Variants in ROBO1 observed in about 807,000 individuals in gnomAD.
ROBO1 encodes the protein roundabout homolog 1.
A neutral mutation model predicts 195.9 loss-of-function variants in ROBO1; 149 were observed. The ratio of observed to expected loss-of-function variants is 0.76; its 90% CI spans 0.67 to 0.87. The LOEUF (loss-of-function observed/expected upper bound fraction) is 0.87, where lower values mean the gene tolerates loss of function less well. ROBO1 is among the 40% of genes least tolerant of loss of function. The probability of loss-of-function intolerance (pLI) is 0.00; values close to 1 mark genes in which losing one functional copy is unlikely to be tolerated. For synonymous variants in ROBO1, 816 were observed against 733.2 expected, an observed-to-expected ratio of 1.11 and a Z score of -1.82; for missense variants, 1,933 against 2,068.3, an observed-to-expected ratio of 0.93 and a Z score of 1.27.
chr3:78,759,458 G>T (rs2083034500), intron 4 of ROBO1: 1 of 150,894 alleles, frequency 6.6e-6, no homozygotes, highest in Admixed American at 6.6e-5. Flanking sequence ...CTATTTTACA[G>T]CATAAGAATT....
chr3:79,467,169 A>G (rs6772979), intron 2 of ROBO1, among the ~76,000 whole-genome samples: 5,216 of 152,168 alleles, frequency 0.034, 202 homozygotes, highest in African/African-American at 0.098. Context: ...CAAGAAGCAT[A>G]CAAGAAAATC....
chr3:78,993,862 G>GT (rs550092850), intron 3 of ROBO1, among the ~76,000 whole-genome samples: 3 of 151,626 alleles, frequency 2.0e-5, no homozygotes, highest in South Asian at 2.1e-4. Context: ...AGCCAAAATG[G>GT]TTTTTTTTCC....
chr3:79,365,477 C>T (rs552250866), intron 2 of ROBO1, among the ~76,000 whole-genome samples: 31 of 152,312 alleles, frequency 2.0e-4, no homozygotes, highest in African/African-American at 6.5e-4. Flanking sequence ...TCTGCTTTAT[C>T]ATCAGAGGAT....
At chr3:79,378,877 G>A (rs1024269922) in intron 2 of ROBO1, among the ~76,000 whole-genome samples, 15 of 152,272 alleles carry the variant, frequency 9.9e-5, no homozygotes, top group African/African-American at 3.6e-4. Flanking sequence ...TTTCAGCTCC[G>A]CCTCTTCCTG....
intron 8 of ROBO1, among the ~76,000 whole-genome samples, chr3:78,704,067 A>C (rs2081488619): frequency 1.3e-5 from 2 of 152,150 alleles, no homozygotes; most frequent in African/African-American, 4.8e-5. Context: ...ATGAACTCAC[A>C]GTTCTCAACC....
intron 3 of ROBO1, among the ~76,000 whole-genome samples, chr3:78,961,244 A>ACGAGG (rs2041331369): frequency 6.6e-6 from 1 of 152,088 alleles, no homozygotes; most frequent in Non-Finnish European, 1.5e-5. Context: ...TAAATTTTTC[A>ACGAGG]TACAAAAAAA....
At chr3:79,715,826 T>C (rs1443309572) in intron 1 of ROBO1, among the ~76,000 whole-genome samples, 2 of 152,102 alleles carry the variant, frequency 1.3e-5, no homozygotes, top group Non-Finnish European at 2.9e-5. Flanking sequence ...CCAGACAGAA[T>C]TACATTTAAA....
chr3:78,971,924 C>T (rs1239032287), intron 3 of ROBO1, among the ~76,000 whole-genome samples: 2 of 152,096 alleles, frequency 1.3e-5, no homozygotes, highest in Non-Finnish European at 2.9e-5. Context: ...CGCCACCATG[C>T]CCACTTAATA....
chr3:78,699,395 CAAAAAAAAAAAAAAAAAAA>C (rs60574193), intron 8 of ROBO1, among the ~76,000 whole-genome samples: 1 of 83,052 alleles, frequency 1.2e-5, no homozygotes, highest in Non-Finnish European at 2.2e-5. Flanking sequence ...ACTAAAAATA[CAAAAAAAAAAAAAAAAAAA>C]AAAAATTAGC....
chr3:79,054,289 C>T (rs2078760852), intron 3 of ROBO1, among the ~76,000 whole-genome samples: 1 of 152,092 alleles, frequency 6.6e-6, no homozygotes, highest in Non-Finnish European at 1.5e-5. Flanking sequence ...GCTCCTGTTT[C>T]TTTTACTACA....
chr3:79,491,310 C>T (rs1372495808), intron 2 of ROBO1, among the ~76,000 whole-genome samples: 1 of 150,868 alleles, frequency 6.6e-6, no homozygotes, highest in Non-Finnish European at 1.5e-5. Context: ...TCATTTTTGG[C>T]TTGCTGCTTT....
chr3:78,629,390 T>G (rs1705033941), intron 25 of ROBO1, among the ~76,000 whole-genome samples: 1 of 152,220 alleles, frequency 6.6e-6, no homozygotes, highest in African/African-American at 2.4e-5. Context: ...TTAAAATAGC[T>G]TGGGAAATGC....
chr3:79,655,692 T>A (rs766437189), intron 1 of ROBO1, among the ~76,000 whole-genome samples: 1 of 152,036 alleles, frequency 6.6e-6, no homozygotes, highest in Non-Finnish European at 1.5e-5. Context: ...AACCTAAAGA[T>A]CTTTCATCTA....
At chr3:78,647,346 C>T (rs756472535) in intron 20 of ROBO1, among the ~76,000 whole-genome samples, 1 of 152,016 alleles carries the variant, frequency 6.6e-6, no homozygotes, top group African/African-American at 2.4e-5. Flanking sequence ...CATGTTAAAT[C>T]ATGCTGAAGG....
At chr3:78,946,401 A>G (rs2040446960) in intron 3 of ROBO1, among the ~76,000 whole-genome samples, 1 of 152,216 alleles carries the variant, frequency 6.6e-6, no homozygotes, top group Admixed American at 6.5e-5. Flanking sequence ...TTCAACCCAC[A>G]ATTTCATATC....
At chr3:78,959,548 T>A (rs1186179057) in intron 3 of ROBO1, among the ~76,000 whole-genome samples, 3 of 152,198 alleles carry the variant, frequency 2.0e-5, no homozygotes, top group Admixed American at 2.0e-4. Flanking sequence ...ACTGAGTAAC[T>A]ATTCTGTACA....
intron 5 of ROBO1, among the ~76,000 whole-genome samples, chr3:78,742,944 T>C (rs1032764760): frequency 6.6e-6 from 1 of 152,136 alleles, no homozygotes; most frequent in Admixed American, 6.6e-5. Flanking sequence ...TATTTTGGCA[T>C]AAGCAATAAA....
intron 3 of ROBO1, among the ~76,000 whole-genome samples, chr3:79,036,036 T>C (rs1022661692): frequency 1.3e-5 from 2 of 152,164 alleles, no homozygotes; most frequent in African/African-American, 4.8e-5. Flanking sequence ...CATCTCTTTA[T>C]AATATAACCA....
chr3:78,704,627 C>CACAT (rs140058750), intron 8 of ROBO1, among the ~76,000 whole-genome samples: 1 of 139,870 alleles, frequency 7.1e-6, no homozygotes, highest in Non-Finnish European at 1.5e-5. Flanking sequence ...CACACACACA[C>CACAT]GAGTCTGGAC....
Sources: allele counts gnomAD v4.1 joint callset (sites outside exome capture counted in the v4.1 genomes callset), GRCh38; gene constraint gnomAD v4.1.1; transcripts MANE v1.5; gene names NCBI Gene and HGNC (gene_info 2026-07-23, HGNC 2026-07-21).